The following ZNF710 variants were observed in gnomAD, a reference collection of about 807,000 sequenced individuals.
ZNF710 encodes the protein zinc finger protein 710.
A neutral mutation model predicts 50.6 loss-of-function variants in ZNF710; 13 were observed. The observed-to-expected ratio is 0.26, with a 90% CI of 0.17 to 0.41. The LOEUF (loss-of-function observed/expected upper bound fraction) is 0.41, where lower values mean the gene tolerates loss of function less well. Ranked by LOEUF, ZNF710 falls within the 10% of genes least tolerant of loss-of-function variation. The pLI, the probability that ZNF710 is intolerant of heterozygous loss-of-function variation, is 1.00. For missense variants in ZNF710, 721 were observed against 936.6 expected, an observed-to-expected ratio of 0.77 and a Z score of 3.01; for synonymous variants, 383 against 397.0, an observed-to-expected ratio of 0.96 and a Z score of 0.42.
intron 1 of ZNF710, among the ~76,000 whole-genome samples, chr15:90,032,038 C>T (rs1289463091): frequency 2.6e-5 from 4 of 152,170 alleles, no homozygotes; most frequent in African/African-American, 9.7e-5. Flanking sequence ...TCGCTGTCGC[C>T]CAGGCTGGAG....
At chr15:90,044,178 T>C (rs1899387649) in intron 1 of ZNF710, among the ~76,000 whole-genome samples, 1 of 152,206 alleles carries the variant, frequency 6.6e-6, no homozygotes, top group African/African-American at 2.4e-5. Flanking sequence ...GACCTGTTCG[T>C]CACACAGGAG....
chr15:90,072,037 C>T (rs1387535763), intron 2 of ZNF710, among the ~76,000 whole-genome samples: 4 of 152,126 alleles, frequency 2.6e-5, no homozygotes, highest in Admixed American at 2.0e-4. Context: ...TTCCTGGCCT[C>T]AGGTGATCCT....
chr15:90,012,604 T>A (rs1184149051), intron 1 of ZNF710, among the ~76,000 whole-genome samples: 1 of 151,976 alleles, frequency 6.6e-6, no homozygotes, highest in Non-Finnish European at 1.5e-5. Flanking sequence ...TTATTCCGGG[T>A]GTTTTCAGGG....
At chr15:90,030,329 CAAAAA>C (rs10685083) in intron 1 of ZNF710, among the ~76,000 whole-genome samples, 2 of 50,506 alleles carry the variant, frequency 4.0e-5, no homozygotes, top group Admixed American at 2.9e-4. Context: ...AACTCCATCT[CAAAAA>C]AAAAAAAAAA....
intron 1 of ZNF710, among the ~76,000 whole-genome samples, chr15:90,058,309 T>C (rs1239816604): frequency 6.6e-6 from 1 of 152,176 alleles, no homozygotes; most frequent in Non-Finnish European, 1.5e-5. Flanking sequence ...GTCAGGTCAC[T>C]GAGAGTGTGC....
chr15:90,037,058 G>A (rs1023996583), intron 1 of ZNF710, among the ~76,000 whole-genome samples: 1 of 152,118 alleles, frequency 6.6e-6, no homozygotes, highest in Non-Finnish European at 1.5e-5. Context: ...TGGTGGGGAG[G>A]ACGGGAAGTG....
chr15:90,080,530 T>C lies in ZNF710; in HGVS notation c.*701T>C, dbSNP rs1205019223. 1 of 152,690 alleles carries C rather than the reference T, an allele frequency of 6.5e-6. No homozygotes were observed. Among genetic ancestry groups the C allele is most frequent in the Non-Finnish European group, 1.5e-5 (1 of 68,108 alleles). The allele number at this position is 152,690 out of a possible 1,614,324, so 9.5% of individuals were successfully genotyped here. ...CAACACATGTCGTCCACTTCGACCC[T>C]AGCTGGAGTGCCTCACCAGGGGGCC... On this transcript the variant is annotated 3_prime_UTR_variant, in exon 5 of 5. Coordinates refer to ENST00000268154, the MANE Select transcript of ZNF710 (RefSeq NM_198526.4).
At chr15:90,011,987 A>G (rs556339242) in intron 1 of ZNF710, among the ~76,000 whole-genome samples, 4 of 152,272 alleles carry the variant, frequency 2.6e-5, no homozygotes, top group Non-Finnish European at 4.4e-5. Flanking sequence ...CAGGTGGATC[A>G]TGAGGTCAAG....
chr15:90,035,146 G>A (rs1379931923), intron 1 of ZNF710, among the ~76,000 whole-genome samples: 1 of 152,244 alleles, frequency 6.6e-6, no homozygotes, highest in Non-Finnish European at 1.5e-5. Flanking sequence ...CATGGCCATG[G>A]TGATTGACCG....
intron 1 of ZNF710, among the ~76,000 whole-genome samples, chr15:90,038,366 T>G (rs1020683128): frequency 6.6e-5 from 10 of 152,236 alleles, no homozygotes; most frequent in Non-Finnish European, 1.3e-4. Context: ...TTCGTCCAGA[T>G]TCACTCATTG....
chr15:90,066,604 T>C (rs536091377), intron 1 of ZNF710, among the ~76,000 whole-genome samples: 1 of 151,146 alleles, frequency 6.6e-6, no homozygotes, highest in South Asian at 2.1e-4. Context: ...CAGCCTCCTA[T>C]AGCTGGGATT....
At chr15:90,010,328 C>T (rs1397358041) in intron 1 of ZNF710, among the ~76,000 whole-genome samples, 2 of 152,164 alleles carry the variant, frequency 1.3e-5, no homozygotes, top group Non-Finnish European at 2.9e-5. Flanking sequence ...CTCACTCTGT[C>T]ACCTCGGCTG....
intron 4 of ZNF710, among the ~76,000 whole-genome samples, chr15:90,078,512 C>T (rs764444603): frequency 2.0e-5 from 3 of 152,188 alleles, no homozygotes; most frequent in Non-Finnish European, 2.9e-5. Context: ...GATTGGGTCA[C>T]GTGCCTATTC....
At chr15:90,071,028 C>T (rs755908866) in intron 2 of ZNF710, among the ~76,000 whole-genome samples, 6 of 152,000 alleles carry the variant, frequency 3.9e-5, no homozygotes, top group African/African-American at 7.3e-5. Context: ...TTTAGGAGGC[C>T]GAGGCGGGCA....
intron 1 of ZNF710, among the ~76,000 whole-genome samples, chr15:90,019,183 CTTTCTTTT>C (rs1320419806): frequency 1.2e-5 from 1 of 86,794 alleles, no homozygotes; most frequent in African/African-American, 4.8e-5. Context: ...ATTACTTTTT[CTTTCTTTT>C]TTTTTTTTTT....
At chr15:90,032,290 G>T (rs1898972176) in intron 1 of ZNF710, among the ~76,000 whole-genome samples, 1 of 152,170 alleles carries the variant, frequency 6.6e-6, no homozygotes, top group African/African-American at 2.4e-5. Context: ...GAGCCACTGT[G>T]TCCAGCCACT....
chr15:90,000,890 C>T (rs950256339), upstream of ZNF710, among the ~76,000 whole-genome samples: 3 of 152,152 alleles, frequency 2.0e-5, no homozygotes, highest in African/African-American at 7.2e-5. Flanking sequence ...CCCCGGGCCC[C>T]CTTTGTACCG....
At chr15:90,056,671 G>A (rs762888675) in intron 1 of ZNF710, among the ~76,000 whole-genome samples, 2 of 152,192 alleles carry the variant, frequency 1.3e-5, no homozygotes, top group Non-Finnish European at 2.9e-5. Context: ...GGGCATGTGA[G>A]CTGCGAGGTG....
At chr15:90,046,674 T>C (rs1596286346) in intron 1 of ZNF710, among the ~76,000 whole-genome samples, 1 of 152,154 alleles carries the variant, frequency 6.6e-6, no homozygotes, top group East Asian at 1.9e-4. Flanking sequence ...CCCCGTGATA[T>C]GGTGCTGAGC....
Sources: allele counts gnomAD v4.1 joint callset (sites outside exome capture counted in the v4.1 genomes callset), GRCh38; gene constraint gnomAD v4.1.1; transcripts MANE v1.5; gene names NCBI Gene and HGNC (gene_info 2026-07-23, HGNC 2026-07-21).